Variants in ITFG1 observed in about 807,000 individuals in gnomAD.
The protein encoded by ITFG1 is T-cell immunomodulatory protein.
ITFG1 carries 34 observed loss-of-function variants against 81.8 expected under a neutral mutation model. The observed-to-expected ratio is 0.42, with a 90% CI of 0.32 to 0.55. The LOEUF is 0.55. Ranked by LOEUF, ITFG1 falls within the 20% of genes least tolerant of loss-of-function variation. The pLI is 0.17. For missense variants in ITFG1, 672 were observed against 755.4 expected (o/e 0.89, Z 1.29); for synonymous variants, 285 against 270.6 (o/e 1.05, Z -0.52).
chr16:47,198,027 G>GT (rs1397640060), intron 14 of ITFG1, among the ~76,000 whole-genome samples: 25 of 152,324 alleles, frequency 1.6e-4, no homozygotes, highest in African/African-American at 5.5e-4. Context: ...ATTGTGGTAG[G>GT]TAGTGGAATC....
chr16:47,314,680 C>T (rs1419032995), intron 8 of ITFG1, among the ~76,000 whole-genome samples: 8 of 152,074 alleles, frequency 5.3e-5, no homozygotes, highest in African/African-American at 7.2e-5. Flanking sequence ...ATTTTGATGT[C>T]GCAGAGTTAA....
intron 13 of ITFG1, among the ~76,000 whole-genome samples, chr16:47,224,048 C>T (rs898716118): frequency 8.1e-6 from 1 of 123,156 alleles, no homozygotes; most frequent in Admixed American, 1.1e-4. Flanking sequence ...GGGAACATCA[C>T]ACTCTGGGGA....
At chr16:47,408,444 G>A (rs1408069004) in intron 6 of ITFG1, among the ~76,000 whole-genome samples, 2 of 152,124 alleles carry the variant, frequency 1.3e-5, no homozygotes. Context: ...ATAAAGGTGA[G>A]GCTAAAGGCC....
In ITFG1 at chr16:47,356,469, CTG is replaced by C. The variant is rs1293477801; in HGVS notation, c.802+9317_802+9318del. ...TTAAATACAGAGAATGTCCACTTGTCTGTGTGTAACAAGGACTAAAAGGGAAC... is the reference window on the plus strand; with the variant it reads ...TTAAATACAGAGAATGTCCACTTGTCTGTGTAACAAGGACTAAAAGGGAAC... On this transcript the variant is annotated intron_variant, in intron 8 of 17. Transcript: ENST00000320640. 4.6e-5 allele frequency among the ~76,000 whole-genome samples: 7 copies of C among 152,244 alleles called. No homozygotes were observed. In the East Asian group the frequency reaches 1.4e-3, roughly 29 times the overall value.
At chr16:47,270,894 T>C (rs1966332132) in intron 10 of ITFG1, among the ~76,000 whole-genome samples, 1 of 152,216 alleles carries the variant, frequency 6.6e-6, no homozygotes, top group African/African-American at 2.4e-5. Flanking sequence ...AGTGGTTTCC[T>C]GTGGGATGGG....
intron 13 of ITFG1, among the ~76,000 whole-genome samples, chr16:47,226,733 C>G (rs1965763040): frequency 6.6e-6 from 1 of 151,776 alleles, no homozygotes; most frequent in African/African-American, 2.4e-5. Flanking sequence ...CTATTTCAAC[C>G]AAGGCAACAT....
chr16:47,162,264 T>C (rs1355777863), intron 15 of ITFG1, among the ~76,000 whole-genome samples: 1 of 151,938 alleles, frequency 6.6e-6, no homozygotes, highest in African/African-American at 2.4e-5. Flanking sequence ...CGTTAGGTGG[T>C]GAAAAATGTT....
chr16:47,330,820 C>G (rs1967627158), intron 8 of ITFG1, among the ~76,000 whole-genome samples: 1 of 152,092 alleles, frequency 6.6e-6, no homozygotes, highest in Non-Finnish European at 1.5e-5. Context: ...CAAAAAATAA[C>G]AGATGCTGGC....
chr16:47,178,132 T>C (rs1306928509), intron 14 of ITFG1, among the ~76,000 whole-genome samples: 1 of 152,250 alleles, frequency 6.6e-6, no homozygotes, highest in Non-Finnish European at 1.5e-5. Context: ...GCTTATCCTC[T>C]TATTTTTCTG....
chr16:47,438,456 C>T (rs557311992), intron 5 of ITFG1, among the ~76,000 whole-genome samples: 7 of 152,234 alleles, frequency 4.6e-5, no homozygotes, highest in Middle Eastern at 6.8e-3. Flanking sequence ...GGACTGATAC[C>T]TCACATGGCC....
chr16:47,428,989 T>C, intron 5 of ITFG1, 91 bp from the exon 6 acceptor site: 1 of 723,210 alleles, frequency 1.4e-6, no homozygotes, highest in South Asian at 1.8e-5. Context: ...AACACTTAAA[T>C]TTATTTATTT....
chr16:47,395,398 T>C (rs776045196), intron 6 of ITFG1, among the ~76,000 whole-genome samples: 13 of 152,334 alleles, frequency 8.5e-5, no homozygotes, highest in Non-Finnish European at 1.3e-4. Context: ...GCATAATATA[T>C]GCTGCTTAGG....
At chr16:47,355,494 T>G (rs917322029) in intron 8 of ITFG1, among the ~76,000 whole-genome samples, 1 of 152,174 alleles carries the variant, frequency 6.6e-6, no homozygotes, top group Non-Finnish European at 1.5e-5. Flanking sequence ...GTAGCTGTGA[T>G]GTATTGTGTA....
At chr16:47,180,386 C>T (rs142098146) in intron 14 of ITFG1, among the ~76,000 whole-genome samples, 1 of 151,862 alleles carries the variant, frequency 6.6e-6, no homozygotes, top group Non-Finnish European at 1.5e-5. Flanking sequence ...CCCCTCTCCC[C>T]ACGGTCTCCC....
intron 10 of ITFG1, among the ~76,000 whole-genome samples, chr16:47,266,890 A>G (rs1237364014): frequency 6.6e-6 from 1 of 152,240 alleles, no homozygotes; most frequent in African/African-American, 2.4e-5. Flanking sequence ...TCTATTATAC[A>G]AAGACATGGC....
chr16:47,340,423 C>T (rs934089044), intron 8 of ITFG1, among the ~76,000 whole-genome samples: 1 of 152,056 alleles, frequency 6.6e-6, no homozygotes, highest in Non-Finnish European at 1.5e-5. Context: ...TATATAGTAG[C>T]AGAGTTTTTG....
chr16:47,444,922 C>G (rs1284855897), intron 5 of ITFG1, among the ~76,000 whole-genome samples: 1 of 152,000 alleles, frequency 6.6e-6, no homozygotes. Flanking sequence ...TTTCTTTGCT[C>G]TCCCAAGGGT....
intron 10 of ITFG1, among the ~76,000 whole-genome samples, chr16:47,302,680 C>T (rs1967094530): frequency 6.6e-6 from 1 of 152,222 alleles, no homozygotes; most frequent in Non-Finnish European, 1.5e-5. Flanking sequence ...ACACCCCATA[C>T]TTTCCTCTCT....
chr16:47,306,980 G>C lies in ITFG1; in HGVS notation c.1070+4260C>G, dbSNP rs1263623125. On this transcript the variant is annotated intron_variant, in intron 10 of 17. Transcript: ENST00000320640. ...ATGGTGGCGGGCGCCTCTAGTCCCA[G>C]CTACTCAGGAGGCTGAGGCAGGAGA... 5.3e-5 allele frequency among the ~76,000 whole-genome samples: 8 copies of C among 150,312 alleles called. No homozygotes were observed. In the Admixed American group the frequency reaches 5.4e-4, roughly 10 times the overall value.
Sources: gnomAD v4.1 joint callset for allele counts (sites outside exome capture counted in the v4.1 genomes callset) on GRCh38, gnomAD v4.1.1 for gene constraint, MANE v1.5 for transcripts, NCBI Gene and HGNC (gene_info 2026-07-23, HGNC 2026-07-21) for gene names.